TAS1R2: variants seen among roughly 807,000 people sequenced by gnomAD.
The protein encoded by TAS1R2 is taste 1 receptor member 2.
Under a neutral mutation model 49.3 loss-of-function variants are expected in TAS1R2, and 47 were observed. The observed-to-expected ratio is 0.95, with a 90% CI of 0.75 to 1.22. TAS1R2 has a LOEUF of 1.22. TAS1R2 is among the 50% of genes most tolerant of loss of function. The pLI is 0.00. For synonymous variants in TAS1R2, 479 were observed against 467.9 expected (o/e 1.02, Z -0.31); for missense variants, 1,155 against 1,122.1 (o/e 1.03, Z -0.42).
In TAS1R2 at chr1:18,839,992, G is replaced by A. The variant is rs764548657; in HGVS notation, c.2127C>T (p.Asp709=). The A allele has an allele frequency of 3.1e-6, 5 of 1,614,218 alleles. No individual in the cohort carries two copies. The East Asian group carries it at 1.1e-4, about 36-fold the overall frequency. Residue 709 remains aspartate, a synonymous_variant, in exon 6 of 6, where the codon GAC becomes GAT. Coordinates refer to ENST00000375371, the Ensembl canonical transcript of TAS1R2. ...CAATTGTGATCTTGGGGTCATCGGG[G>A]TCAGTACGGGTGGTGGGACTGAGGC...
intron 4 of TAS1R2, 132 bp from the exon 5 acceptor site, chr1:18,841,984 G>GAAAA (rs35542368): frequency 1.5e-4 from 52 of 341,402 alleles, no homozygotes; most frequent in Middle Eastern, 8.9e-4. Context: ...GGAAACTGTA[G>GAAAA]AAAAAAAAAA....
At chr1:18,840,329 C>G in exon 6 of TAS1R2, 11 of 1,614,044 alleles carry the variant, frequency 6.8e-6, no homozygotes, top group Non-Finnish European at 9.3e-6. Flanking sequence ...CCCAGCCGAG[C>G]GAACTATGGG....
intron 4 of TAS1R2, among the ~76,000 whole-genome samples, chr1:18,844,578 A>G (rs1299554723): frequency 2.0e-5 from 3 of 152,162 alleles, no homozygotes; most frequent in African/African-American, 4.8e-5. Context: ...ACATGGCGAA[A>G]TGCTGTCTCT....
At chr1:18,841,920 C>A in intron 4 of TAS1R2, 68 bp from the exon 5 acceptor site, 1 of 1,435,730 alleles carries the variant, frequency 7.0e-7, no homozygotes, top group East Asian at 2.7e-5. Flanking sequence ...CTCCCCTCTC[C>A]AACCAGCAGG....
At chr1:18,848,960 T>C (rs1933970648) in intron 4 of TAS1R2, among the ~76,000 whole-genome samples, 2 of 152,174 alleles carry the variant, frequency 1.3e-5, no homozygotes, top group South Asian at 4.1e-4. Flanking sequence ...ATCCGGAAAC[T>C]ATCCTCCTCC....
intron 4 of TAS1R2, among the ~76,000 whole-genome samples, chr1:18,843,222 C>T (rs548108626): frequency 3.3e-5 from 5 of 152,266 alleles, no homozygotes; most frequent in Admixed American, 2.0e-4. Flanking sequence ...TTCATGACAC[C>T]GTGGTAATTG....
rs768074017 is a variant in TAS1R2 at position 18,854,618 on chromosome 1, G to A, written c.852C>T (p.Phe284=). ...AGTTCTGGCGCAGCACCTCATTGAA[G>A]AAGTGGTACAGGGTCAGGTCGGGCG... Residue 284 remains phenylalanine, a synonymous_variant, in exon 3 of 6, where the codon TTC becomes TTT. Transcript: ENST00000375371. The surrounding 1 kb of genome is among the most constrained non-coding windows in gnomAD (Gnocchi z 4.9). 3 of 1,613,978 alleles carry A rather than the reference G, an allele frequency of 1.9e-6. No homozygotes were observed. Among genetic ancestry groups the A allele is most frequent in the Admixed American group, 3.3e-5 (2 of 60,014 alleles).
chr1:18,842,007 G>A (rs558662076), intron 4 of TAS1R2, among the ~76,000 whole-genome samples, 155 bp from the exon 5 acceptor site: 1 of 151,194 alleles, frequency 6.6e-6, no homozygotes, highest in African/African-American at 2.4e-5. Context: ...AAACTCTCAT[G>A]CTTCTAGCAG....
chr1:18,840,019 C>T (rs374616366), exon 6 of TAS1R2: 111 of 1,613,250 alleles, frequency 6.9e-5, no homozygotes, highest in Non-Finnish European at 8.7e-5. Context: ...GACTGAGGCC[C>T]GTGGCCAGCA....
In TAS1R2 at chr1:18,854,897, G is replaced by C. The variant is rs766449123; in HGVS notation, c.573C>G (p.Ile191Met). The C allele has an allele frequency of 1.9e-6, 3 of 1,613,278 alleles. No homozygotes were observed. Among genetic ancestry groups the C allele is most frequent in the Admixed American group, 1.7e-5 (1 of 60,016 alleles). ...GCAGCATCAGCTGCACCATGGCCTC[G>C]ATGTGGTGGTCGGCGCTGGGTGTGG... The change falls in exon 3 of 6, where the codon ATC becomes ATG. Residue 191 changes from isoleucine to methionine, a missense_variant. Physicochemically the swap from Ile to Met is conservative, Grantham distance 10 (BLOSUM62 1). Transcript: ENST00000375371. This position sits in a 1 kb window ranked among gnomAD's most constrained non-coding sequence, Gnocchi z 4.9.
At position 18,849,464 on chromosome 1, in the gene TAS1R2, C is replaced by T. The variant is rs9439751; in HGVS notation, c.1344G>A (p.Leu448=). The change falls in exon 4 of 6, where the codon TTG becomes TTA. Residue 448 remains leucine, a synonymous_variant. Coordinates refer to ENST00000375371, the Ensembl canonical transcript of TAS1R2. Reference sequence around the variant, plus strand: ...GGTCCCATTGCCACTGGACAATCTCCAAGTGCAGAGCCACGTCCCCTTGCG... The same window carrying T: ...GGTCCCATTGCCACTGGACAATCTCTAAGTGCAGAGCCACGTCCCCTTGCG... 1,259 of 1,614,238 alleles carry T rather than the reference C, an allele frequency of 7.8e-4. 11 individuals are homozygous for T. The African/African-American group carries it at 0.015, about 19-fold the overall frequency.
At chr1:18,840,308 C>T in exon 6 of TAS1R2, 2 of 1,614,068 alleles carry the variant, frequency 1.2e-6, no homozygotes, top group South Asian at 1.1e-5. Context: ...CATCAGGAAG[C>T]ACATGGGGCC....
At position 18,854,407 on chromosome 1, in the gene TAS1R2, G is replaced by C. The variant is rs1488175344; in HGVS notation, c.1063C>G (p.Gln355Glu). The change falls in exon 3 of 6, where the codon CAG becomes GAG. Residue 355 changes from glutamine (Q) to glutamate (E), a missense_variant. Transcript: ENST00000375371. This position sits in a 1 kb window ranked among gnomAD's most constrained non-coding sequence, Gnocchi z 4.9. ...CACTCCTGGTTGCAGGTATAGCTCT[G>C]GCTGGTCCTGCTGAGGGGTGGCGGC... is the stretch of plus-strand genomic sequence containing the variant. 6.8e-6 allele frequency: 11 copies of C among 1,613,902 alleles called. No individual in the cohort carries two copies. Among genetic ancestry groups the C allele is most frequent in the African/African-American group, 4.0e-5 (3 of 74,938 alleles).
At chr1:18,847,556 A>C (rs1933945649) in intron 4 of TAS1R2, among the ~76,000 whole-genome samples, 1 of 150,882 alleles carries the variant, frequency 6.6e-6, no homozygotes, top group Non-Finnish European at 1.5e-5. Flanking sequence ...TTAGCAAAGG[A>C]GAGTGATGAA....
At chr1:18,855,301 G>A (rs1459422427) in intron 2 of TAS1R2, among the ~76,000 whole-genome samples, 1 of 152,144 alleles carries the variant, frequency 6.6e-6, no homozygotes, top group African/African-American at 2.4e-5. Flanking sequence ...CTTTTATTGA[G>A]AACCACATCC....
At chr1:18,855,746 G>A (rs1934128443) in intron 2 of TAS1R2, among the ~76,000 whole-genome samples, 1 of 152,128 alleles carries the variant, frequency 6.6e-6, no homozygotes, top group African/African-American at 2.4e-5. Context: ...GTTCTCCTCT[G>A]AGCCTGCTCC....
chr1:18,844,375 A>G (rs894328072), intron 4 of TAS1R2, among the ~76,000 whole-genome samples: 1 of 152,234 alleles, frequency 6.6e-6, no homozygotes, highest in African/African-American at 2.4e-5. Flanking sequence ...CATGAGAGTG[A>G]GCACAAAGCA....
chr1:18,853,035 G>C (rs1934061598), intron 3 of TAS1R2, among the ~76,000 whole-genome samples: 1 of 152,170 alleles, frequency 6.6e-6, no homozygotes, highest in African/African-American at 2.4e-5. Flanking sequence ...TTTCATCATA[G>C]CTCCTGCCAG....
At chr1:18,844,606 T>C (rs1011828772) in intron 4 of TAS1R2, among the ~76,000 whole-genome samples, 2 of 152,168 alleles carry the variant, frequency 1.3e-5, no homozygotes, top group African/African-American at 4.8e-5. Flanking sequence ...ACACAAAAAT[T>C]AGTCAGGTGT....
Sources: allele counts gnomAD v4.1 joint callset (sites outside exome capture counted in the v4.1 genomes callset), GRCh38; gene constraint gnomAD v4.1.1; non-coding constraint Gnocchi (gnomAD v3.1); transcripts MANE v1.5; gene names NCBI Gene and HGNC (gene_info 2026-07-23, HGNC 2026-07-21).